Variants in WNT5B observed in about 807,000 individuals in gnomAD.
WNT5B encodes the protein protein Wnt-5b.
Under a neutral mutation model 36.5 loss-of-function variants are expected in WNT5B, and 18 were observed. The ratio of observed to expected loss-of-function variants is 0.49; its 90% confidence interval spans 0.34 to 0.73. WNT5B has a LOEUF of 0.73. Ranked by LOEUF, WNT5B falls within the 30% of genes least tolerant of loss-of-function variation. WNT5B has a pLI of 0.01. For missense variants in WNT5B, 424 were observed against 508.4 expected (o/e 0.83, Z 1.60); for synonymous variants, 213 against 212.3 (o/e 1.00, Z -0.03).
chr12:1,625,553 T>C (rs1592518525), upstream of WNT5B, among the ~76,000 whole-genome samples: 2 of 152,320 alleles, frequency 1.3e-5, no homozygotes, highest in East Asian at 3.9e-4. Flanking sequence ...TCAACAGCAA[T>C]GCAGCCAGGA....
At chr12:1,639,183 GC>G (rs1363867745) in intron 3 of WNT5B, among the ~76,000 whole-genome samples, 1 of 150,920 alleles carries the variant, frequency 6.6e-6, no homozygotes, top group Non-Finnish European at 1.5e-5. Flanking sequence ...TGTCGCCCAG[GC>G]TGGAGTGCAG....
Position 1,634,637 on chromosome 12 carries a change from T to C in WNT5B, c.328+1732T>C, listed in dbSNP as rs1265993004. On this transcript the variant is annotated intron_variant, in intron 3 of 4. Transcript: ENST00000397196. ...TCCCCCTTCCTTTTTATAGCATCAC[T>C]GAAGGCTCATGCTACCTAGGAGGCT... Among the ~76,000 whole-genome samples the C allele has an allele frequency of 1.6e-4, 24 of 152,196 alleles. 2 individuals carry two copies.
At chr12:1,617,276 A>G (rs1193514885) in intron 1 of WNT5B, 14 of 149,890 alleles carry the variant, frequency 9.3e-5, no homozygotes. Flanking sequence ...GTGACTATGC[A>G]TTTAGTACAA....
chr12:1,628,935 G>T (rs1211406986), upstream of WNT5B, among the ~76,000 whole-genome samples: 1 of 151,748 alleles, frequency 6.6e-6, no homozygotes, highest in Non-Finnish European at 1.5e-5. Context: ...GTGTGTGTGT[G>T]CACGCGCGCG....
intron 4 of WNT5B, 108 bp from the exon 5 acceptor site, chr12:1,645,686 C>A: frequency 2.9e-6 from 3 of 1,027,070 alleles, no homozygotes; most frequent in Non-Finnish European, 4.3e-6. Context: ...TATCTATCCC[C>A]TACCCTACCG....
In WNT5B at chr12:1,646,243, C is replaced by T; in HGVS notation, c.1071C>T (p.Ile357=). 6 of 1,609,588 alleles carry T rather than the reference C, an allele frequency of 3.7e-6. No homozygotes were observed. Among genetic ancestry groups the T allele is most frequent in the Non-Finnish European group, 5.1e-6 (6 of 1,177,256 alleles). The change falls in exon 5 of 5, where the codon ATC becomes ATT. Residue 357 remains isoleucine, a synonymous_variant. Coordinates refer to ENST00000397196, the MANE Select transcript of WNT5B (RefSeq NM_032642.3). ...KKCTEIVDQY[I]CK is the part of the protein sequence containing the mutation. ...GCACGGAGATCGTGGACCAGTACAT[C>T]TGTAAATAGCCCGGAGGGCCTGCTC...
chr12:1,646,111 C>A lies in WNT5B; in HGVS notation c.939C>A (p.Gly313=). The change falls in exon 5 of 5, where the codon GGC becomes GGA. Residue 313 remains glycine (G), a synonymous_variant. Coordinates refer to ENST00000397196, the MANE Select transcript of WNT5B (RefSeq NM_032642.3). ...LCNKTSEGMD[G]CELMCCGRGY... is the part of the protein sequence containing the mutation. ...ACAAGACCTCGGAGGGCATGGATGG[C>A]TGTGAGCTCATGTGCTGCGGGCGTG... 2 of 1,614,008 alleles carry A rather than the reference C, an allele frequency of 1.2e-6. No individual in the cohort carries two copies. The highest frequency in any genetic ancestry group is 1.7e-6 in the Non-Finnish European group (2 of 1,180,044).
intron 3 of WNT5B, among the ~76,000 whole-genome samples, chr12:1,637,983 TCA>T (rs2094565330): frequency 6.6e-6 from 1 of 152,144 alleles, no homozygotes; most frequent in African/African-American, 2.4e-5. Flanking sequence ...GCACGGTGGC[TCA>T]CGCCTCTAAT....
intron 3 of WNT5B, among the ~76,000 whole-genome samples, chr12:1,638,399 A>C (rs1592532626): frequency 6.6e-6 from 1 of 152,338 alleles, no homozygotes; most frequent in Non-Finnish European, 1.5e-5. Context: ...TGTTAGCCTT[A>C]GACTGCCAGA....
upstream of WNT5B, among the ~76,000 whole-genome samples, chr12:1,624,601 A>G (rs1162915427): frequency 3.3e-5 from 5 of 152,212 alleles, no homozygotes; most frequent in African/African-American, 7.2e-5. Flanking sequence ...TGAGAAAAAT[A>G]GATGTGAAAC....
upstream of WNT5B, chr12:1,629,147 T>A (rs1165261782): frequency 1.3e-5 from 2 of 152,062 alleles, no homozygotes; most frequent in Non-Finnish European, 2.9e-5. Flanking sequence ...CTTGTCTCCA[T>A]ATATGTTTAT....
Position 1,639,704 on chromosome 12 carries a change from A to C in WNT5B, c.349A>C (p.Thr117Pro). The part of the protein sequence containing the change: ...MQIGSRETAF[T>P]HAVSAAGVVN... ...TGCAGGCAGCCGAGAGACCGCCTTC[A>C]CCCACGCGGTGAGCGCCGCGGGCGT... The change falls in exon 4 of 5, where the codon ACC becomes CCC. Residue 117 changes from threonine (T) to proline (P), a missense_variant. Transcript: ENST00000397196. 1 of 1,575,378 alleles carries C rather than the reference A, an allele frequency of 6.3e-7. No homozygotes were observed. Among genetic ancestry groups the C allele is most frequent in the Non-Finnish European group, 8.6e-7 (1 of 1,165,286 alleles).
Position 1,646,068 on chromosome 12 carries a change from C to T in WNT5B, c.896C>T (p.Thr299Met), listed in dbSNP as rs772694572. 11 of 1,613,518 alleles carry T rather than the reference C, an allele frequency of 6.8e-6. No homozygotes were observed. Among genetic ancestry groups the T allele is most frequent in the African/African-American group, 5.3e-5 (4 of 74,942 alleles). The change falls in exon 5 of 5, where the codon ACG (threonine) becomes ATG (methionine). Residue 299 changes from threonine (T) to methionine (M), a missense_variant. Transcript: ENST00000397196. The part of the protein sequence containing the change: ...LRNESTGSLG[T>M]QGRLCNKTSE... ...AACGAGAGCACGGGCTCCCTGGGCA[C>T]GCAGGGCCGCCTCTGCAACAAGACC...
chr12:1,639,967 C>T lies in WNT5B; in HGVS notation c.612C>T (p.Ala204=). The change falls in exon 4 of 5, where the codon GCC becomes GCT. Residue 204 remains alanine, a synonymous_variant. Transcript: ENST00000397196. The part of the protein sequence containing the change: ...RVLMNLQNNE[A]GRRAVYKMAD... ...TCATGAACCTGCAAAACAACGAGGC[C>T]GGTCGCAGGGTAAGCTGGGCCTCCC... 6.2e-7 allele frequency: 1 copy of T among 1,612,070 alleles called. No individual in the cohort carries two copies.
Position 1,639,736 on chromosome 12 carries a change from C to CGCCATCA in WNT5B, c.385_391dup (p.Arg131HisfsTer83), listed in dbSNP as rs770731921. On this transcript the variant is annotated frameshift_variant, in exon 4 of 5. Transcript: ENST00000397196. LOFTEE classifies it high-confidence loss of function. ...CGGTGAGCGCCGCGGGCGTGGTCAA[C>CGCCATCA]GCCATCAGCCGGGCCTGCCGCGAGG... 1.3e-6 allele frequency: 2 copies of CGCCATCA among 1,599,946 alleles called. No homozygotes were observed. Among genetic ancestry groups the CGCCATCA allele is most frequent in the Non-Finnish European group, 1.7e-6 (2 of 1,173,876 alleles).
intron 3 of WNT5B, 21 bp from the exon 4 acceptor site, chr12:1,639,663 C>T (rs753617754): frequency 2.0e-6 from 3 of 1,492,042 alleles, no homozygotes; most frequent in Non-Finnish European, 1.8e-6. Context: ...ACCCGCTTAC[C>T]GCCCTGGCCT....
rs2094585855 is a variant in WNT5B, at chr12:1,646,476, C to T, written c.*224C>T. ...TGGTGGGTGGGAGACAGGGCTTTTTCTCTCCCTCTGGCGAGGACTCTCAGG... is the reference window on the plus strand; with the variant it reads ...TGGTGGGTGGGAGACAGGGCTTTTTTTCTCCCTCTGGCGAGGACTCTCAGG... On this transcript the variant is annotated 3_prime_UTR_variant, in exon 5 of 5. Coordinates refer to ENST00000397196, the MANE Select transcript of WNT5B (RefSeq NM_032642.3). The T allele has an allele frequency of 9.8e-6, 3 of 307,302 alleles. No homozygotes were observed. Among genetic ancestry groups the T allele is most frequent in the Non-Finnish European group, 1.7e-5 (3 of 173,628 alleles). 19.0% of individuals were successfully genotyped at this position (307,302 alleles called of 1,614,324 possible). A position where few individuals can be genotyped will look rare whatever the true frequency, so the allele number is the denominator to read the frequency against.
chr12:1,644,431 T>C lies in WNT5B; in HGVS notation c.622-1363T>C, dbSNP rs2094581533. Among the ~76,000 whole-genome samples, 1 of 152,186 alleles carries C rather than the reference T, an allele frequency of 6.6e-6. No homozygotes were observed. Among genetic ancestry groups the C allele is most frequent in the Admixed American group, 6.5e-5 (1 of 15,268 alleles). The stretch of plus-strand genomic sequence containing the variant: ...TAGTGAGCCTCTCTAGAGCTTCAGT[T>C]TCTCCACCATAAAATAGTGGGAATA... On this transcript the variant is annotated intron_variant, in intron 4 of 4. Coordinates refer to ENST00000397196, the MANE Select transcript of WNT5B (RefSeq NM_032642.3). This position sits in a 1 kb window ranked among gnomAD's most constrained non-coding sequence, Gnocchi z 5.1.
intron 2 of WNT5B, among the ~76,000 whole-genome samples, chr12:1,631,638 G>A (rs921833973): frequency 2.0e-5 from 3 of 152,136 alleles, no homozygotes; most frequent in Non-Finnish European, 4.4e-5. Flanking sequence ...TAAAGGTTCC[G>A]TTCATTTGAT....
Sources: allele counts gnomAD v4.1 joint callset (sites outside exome capture counted in the v4.1 genomes callset), GRCh38; gene constraint gnomAD v4.1.1; non-coding constraint Gnocchi (gnomAD v3.1); transcripts MANE v1.5; gene names NCBI Gene and HGNC (gene_info 2026-07-23, HGNC 2026-07-21).